The following R3HDM2 variants were observed in gnomAD, a reference collection of about 807,000 sequenced individuals.
The protein encoded by R3HDM2 is R3H domain-containing protein 2.
In R3HDM2, 38 loss-of-function variants were observed where a neutral mutation model predicts 124.5. The observed-to-expected ratio is 0.31, with a 90% confidence interval of 0.24 to 0.40. The LOEUF is 0.40. Among genes scored for constraint, R3HDM2 ranks in the 10% least tolerant of loss-of-function variants. The probability of loss-of-function intolerance (pLI) is 1.00; values close to 1 mark genes in which losing one functional copy is unlikely to be tolerated. For synonymous variants in R3HDM2, 391 were observed against 448.0 expected (o/e 0.87, Z 1.61); for missense variants, 869 against 1,236.9 (o/e 0.70, Z 4.46).
intron 2 of R3HDM2, among the ~76,000 whole-genome samples, chr12:57,340,768 T>C (rs561660836): frequency 3.9e-5 from 6 of 152,246 alleles, no homozygotes; most frequent in South Asian, 2.1e-4. Flanking sequence ...CATTGACAGA[T>C]AGGTAAACCC....
chr12:57,318,641 C>T (rs2055702243), intron 2 of R3HDM2, among the ~76,000 whole-genome samples: 1 of 150,392 alleles, frequency 6.6e-6, no homozygotes, highest in African/African-American at 2.4e-5. Context: ...AAGCGAGACT[C>T]CATCTCAAAA....
chr12:57,279,995 C>A (rs2045771123), intron 14 of R3HDM2, among the ~76,000 whole-genome samples: 1 of 152,114 alleles, frequency 6.6e-6, no homozygotes. Context: ...AAGTTATAAT[C>A]TTTTCAAGTT....
chr12:57,259,060 C>T lies in R3HDM2; in HGVS notation c.2132-1G>A. ...ACACCTGGTCCAGAAGGTGACACTC[C>T]TGAAGGGCAGGAAGAAAGCAGTTGG... On this transcript the variant is annotated splice_acceptor_variant, in intron 19 of 23. Coordinates refer to ENST00000402412, the MANE Select transcript of R3HDM2 (RefSeq NM_001394031.1). LOFTEE classifies it high-confidence loss of function. The T allele has an allele frequency of 6.2e-7, 1 of 1,608,044 alleles. No individual in the cohort carries two copies. The highest frequency in any genetic ancestry group is 8.5e-7 in the Non-Finnish European group (1 of 1,177,804).
At chr12:57,362,297 G>A (rs1334998127) in intron 2 of R3HDM2, among the ~76,000 whole-genome samples, 1 of 152,158 alleles carries the variant, frequency 6.6e-6, no homozygotes, top group Non-Finnish European at 1.5e-5. Flanking sequence ...CAAGAATGAA[G>A]ACTTTTACGA....
intron 2 of R3HDM2, among the ~76,000 whole-genome samples, chr12:57,320,462 C>G (rs555010511): frequency 6.6e-6 from 1 of 151,824 alleles, no homozygotes; most frequent in Non-Finnish European, 1.5e-5. Flanking sequence ...ACATTAGGCT[C>G]CCAGGAGGGC....
Position 57,348,721 on chromosome 12 carries a change from AG to A in R3HDM2, c.-35-38259del, listed in dbSNP as rs1349828872. Among the ~76,000 whole-genome samples, 52 of 7,768 alleles carry A rather than the reference AG, an allele frequency of 6.7e-3. 5 individuals are homozygous for A. The highest frequency in any genetic ancestry group is 0.038 in the South Asian group (4 of 104). The allele number at this position is 7,768 out of a possible 152,430, so 5.1% of individuals were successfully genotyped here. ...AAAAAAAAAAAAAAAAAAAAAAAAA[AG>A]AGAGAGAAAAATTAGCCAGGCATGG... On this transcript the variant is annotated intron_variant, in intron 2 of 23. Transcript: ENST00000402412.
intron 2 of R3HDM2, among the ~76,000 whole-genome samples, chr12:57,335,448 C>G (rs1444864539): frequency 2.0e-5 from 3 of 150,570 alleles, no homozygotes. Flanking sequence ...CCTCAGCCTC[C>G]CAAAGTGCTG....
At chr12:57,379,608 G>T (rs1272144819) in intron 2 of R3HDM2, among the ~76,000 whole-genome samples, 3 of 151,766 alleles carry the variant, frequency 2.0e-5, no homozygotes, top group Non-Finnish European at 2.9e-5. Flanking sequence ...TGAAAAAAAC[G>T]ATAAGCTCAA....
intron 2 of R3HDM2, among the ~76,000 whole-genome samples, chr12:57,329,036 T>C (rs1017392571): frequency 6.6e-6 from 1 of 152,110 alleles, no homozygotes; most frequent in African/African-American, 2.4e-5. Context: ...TGGTATCTCA[T>C]ATATATAAAA....
chr12:57,397,112 G>A (rs2067624843), intron 1 of R3HDM2, among the ~76,000 whole-genome samples: 1 of 151,896 alleles, frequency 6.6e-6, no homozygotes, highest in African/African-American at 2.4e-5. Flanking sequence ...AAAAAAAATT[G>A]TCTAGAACTG....
intron 2 of R3HDM2, among the ~76,000 whole-genome samples, chr12:57,395,429 G>A (rs561317027): frequency 5.9e-5 from 9 of 152,124 alleles, no homozygotes; most frequent in Non-Finnish European, 1.2e-4. Flanking sequence ...GCTTGAACCC[G>A]GGAGCGGAGG....
intron 2 of R3HDM2, among the ~76,000 whole-genome samples, chr12:57,371,640 C>T (rs1292198729): frequency 6.6e-6 from 1 of 152,168 alleles, no homozygotes; most frequent in African/African-American, 2.4e-5. Flanking sequence ...TTGTGCTTCT[C>T]ATAGGGATTT....
chr12:57,360,852 A>G (rs1239956041), intron 2 of R3HDM2, among the ~76,000 whole-genome samples: 3 of 151,784 alleles, frequency 2.0e-5, no homozygotes, highest in Non-Finnish European at 4.4e-5. Context: ...TCAGATCGAG[A>G]TCATCCTGGC....
chr12:57,258,238 C>T, intron 20 of R3HDM2, 101 bp from the exon 21 acceptor site: 1 of 1,174,716 alleles, frequency 8.5e-7, no homozygotes, highest in Non-Finnish European at 1.1e-6. Flanking sequence ...AAATAAGTTT[C>T]TCTTGCTGAA....
At chr12:57,388,477 G>C (rs1193648432) in intron 2 of R3HDM2, among the ~76,000 whole-genome samples, 2 of 152,202 alleles carry the variant, frequency 1.3e-5, no homozygotes, top group African/African-American at 2.4e-5. Flanking sequence ...AGACACAAAG[G>C]CTTGCTTGCT....
At chr12:57,330,759 C>A (rs1445370939) in intron 2 of R3HDM2, among the ~76,000 whole-genome samples, 3 of 135,206 alleles carry the variant, frequency 2.2e-5, no homozygotes, top group Admixed American at 8.4e-5. Context: ...AGTGCAGTGG[C>A]GCAATCTCAG....
At chr12:57,328,103 G>T (rs941264380) in intron 2 of R3HDM2, among the ~76,000 whole-genome samples, 7 of 148,336 alleles carry the variant, frequency 4.7e-5, no homozygotes, top group Non-Finnish European at 1.0e-4. Context: ...ACAGGGTCTC[G>T]TTCTGTCACC....
At chr12:57,389,699 G>T (rs1236974961) in intron 2 of R3HDM2, among the ~76,000 whole-genome samples, 1 of 152,132 alleles carries the variant, frequency 6.6e-6, no homozygotes, top group African/African-American at 2.4e-5. Flanking sequence ...TTTAAATGTA[G>T]AAGTTGTGAT....
At chr12:57,339,679 CAGAG>C (rs748039740) in intron 2 of R3HDM2, among the ~76,000 whole-genome samples, 93 of 145,386 alleles carry the variant, frequency 6.4e-4, no homozygotes, top group Admixed American at 2.0e-3. Flanking sequence ...GCCTGGGTGA[CAGAG>C]AAAGACTCCA....
Sources: allele counts gnomAD v4.1 joint callset (sites outside exome capture counted in the v4.1 genomes callset), GRCh38; gene constraint gnomAD v4.1.1; transcripts MANE v1.5; gene names NCBI Gene and HGNC (gene_info 2026-07-23, HGNC 2026-07-21).